Variants in ADAMTS16 observed in about 807,000 individuals in gnomAD.
ADAMTS16 encodes ADAM metallopeptidase with thrombospondin type 1 motif 16.
Under a neutral mutation model 145.8 loss-of-function variants are expected in ADAMTS16, and 94 were observed. The observed-to-expected ratio is 0.64, with a 90% CI of 0.55 to 0.77. The LOEUF is 0.77. Ranked by LOEUF, ADAMTS16 falls within the 30% of genes least tolerant of loss-of-function variation. The pLI, the probability that ADAMTS16 is intolerant of heterozygous loss-of-function variation, is 0.00. For synonymous variants in ADAMTS16, 659 were observed against 604.3 expected (o/e 1.09, Z -1.33); for missense variants, 1,585 against 1,591.5 (o/e 1.00, Z 0.07).
intron 3 of ADAMTS16, among the ~76,000 whole-genome samples, chr5:5,161,615 A>G (rs1734745562): frequency 6.6e-6 from 1 of 152,192 alleles, no homozygotes; most frequent in African/African-American, 2.4e-5. Flanking sequence ...TTCTTTTGTG[A>G]TGAGCTAAAT....
At chr5:5,256,486 A>G (rs1271514138) in intron 17 of ADAMTS16, among the ~76,000 whole-genome samples, 3 of 152,242 alleles carry the variant, frequency 2.0e-5, no homozygotes, top group African/African-American at 7.2e-5. Flanking sequence ...CTAAATTATC[A>G]CATGACTTAC....
intron 2 of ADAMTS16, among the ~76,000 whole-genome samples, chr5:5,143,279 G>A (rs748357471): frequency 6.6e-6 from 1 of 151,848 alleles, no homozygotes; most frequent in Non-Finnish European, 1.5e-5. Flanking sequence ...AACAAATTTA[G>A]AAGAAAAAAA....
intron 17 of ADAMTS16, 36 bp downstream of exon 17, chr5:5,242,227 T>A (rs376128000): frequency 7.5e-6 from 12 of 1,608,956 alleles, no homozygotes; most frequent in Non-Finnish European, 1.0e-5. Context: ...GGAGGCAGCA[T>A]GTCAGCCTTC....
At chr5:5,235,252 C>T (rs925109159) in intron 13 of ADAMTS16, 66 bp downstream of exon 13, 20 of 1,402,250 alleles carry the variant, frequency 1.4e-5, no homozygotes, top group African/African-American at 2.9e-5. Context: ...TAAAGAAGTA[C>T]ATGATTGAGA....
chr5:5,203,036 G>T (rs533907515), intron 9 of ADAMTS16, among the ~76,000 whole-genome samples: 1 of 152,294 alleles, frequency 6.6e-6, no homozygotes, highest in East Asian at 1.9e-4. Context: ...ATAAGTTGAA[G>T]TGTGCTGATG....
At position 5,222,816 on chromosome 5, in the gene ADAMTS16, C is replaced by T. The variant is rs1381311657; in HGVS notation, c.1633C>T (p.Arg545Cys). 5 of 1,614,018 alleles carry T rather than the reference C, an allele frequency of 3.1e-6. No individual in the cohort carries two copies. Among genetic ancestry groups the T allele is most frequent in the Non-Finnish European group, 4.2e-6 (5 of 1,179,960 alleles). Residue 545 changes from arginine (R) to cysteine (C), a missense_variant, in exon 11 of 23, where the codon CGT becomes TGT. Arg to Cys is a radical substitution (Grantham distance 180). Transcript: ENST00000274181. Reference sequence around the variant, plus strand: ...CATCTGTAAAGCCCTGTGGTGCCATCGTATTGGAAGGAAATGTGAGACTAA... The same window carrying T: ...CATCTGTAAAGCCCTGTGGTGCCATTGTATTGGAAGGAAATGTGAGACTAA... ...KDICKALWCH[R>C]IGRKCETKFM... is the part of the protein sequence containing the mutation.
intron 18 of ADAMTS16, among the ~76,000 whole-genome samples, chr5:5,271,847 T>C (rs1214646960): frequency 6.6e-6 from 1 of 152,174 alleles, no homozygotes; most frequent in Non-Finnish European, 1.5e-5. Flanking sequence ...CCGTCTCCAC[T>C]TGATATTTGG....
In ADAMTS16 at chr5:5,140,361, T is replaced by G; in HGVS notation, c.-107T>G. ...AACCCCGGCGCGGCGGCGGAGTCGC[T>G]GTGGGGAATCCTCCCGCGCTCTGCC... On this transcript the variant is annotated 5_prime_UTR_variant, in exon 1 of 23. Coordinates refer to ENST00000274181, the MANE Select transcript of ADAMTS16 (RefSeq NM_139056.4). 2.8e-5 allele frequency: 31 copies of G among 1,120,808 alleles called. No homozygotes were observed. Among genetic ancestry groups the G allele is most frequent in the Non-Finnish European group, 1.9e-5 (16 of 839,596 alleles). 69.4% of individuals were successfully genotyped at this position (1,120,808 alleles called of 1,614,324 possible). A position where few individuals can be genotyped will look rare whatever the true frequency, so the allele number is the denominator to read the frequency against.
chr5:5,238,096 G>T (rs1418705427), intron 14 of ADAMTS16, among the ~76,000 whole-genome samples: 1 of 152,252 alleles, frequency 6.6e-6, no homozygotes, highest in East Asian at 1.9e-4. Context: ...TGAGGGTTAG[G>T]CTGGATGATT....
intron 8 of ADAMTS16, among the ~76,000 whole-genome samples, chr5:5,195,554 T>C (rs944881553): frequency 1.3e-5 from 2 of 152,204 alleles, no homozygotes; most frequent in Non-Finnish European, 2.9e-5. Context: ...GCTCCGTAGC[T>C]CATATATGCA....
chr5:5,319,137 G>C lies in ADAMTS16; in HGVS notation c.3674G>C (p.Ter1225SerextTer85). 6.2e-7 allele frequency: 1 copy of C among 1,605,220 alleles called. No homozygotes were observed. The highest frequency in any genetic ancestry group is 8.5e-7 in the Non-Finnish European group (1 of 1,174,872). ...CCKTCSKSNL[*>S] ...AAGACTTGCTCTAAGTCCAACTTGT[G>C]AGTTGGGACCGCTCTCCGTAGCAGA... is the stretch of plus-strand genomic sequence containing the variant. The change falls in exon 23 of 23, where the codon TGA (stop) becomes TCA (serine). Residue 1225 changes from the stop codon to serine (S), a stop_lost. Transcript: ENST00000274181.
In ADAMTS16 at chr5:5,186,301, G is replaced by GGGGGGTGTGTGTGT. The variant is rs368811446; in HGVS notation, c.963+51_963+52insGGGGTGTGTGTGTG. 398 of 987,414 alleles carry GGGGGGTGTGTGTGT rather than the reference G, an allele frequency of 4.0e-4. No homozygotes were observed. In the African/African-American group the frequency reaches 6.2e-3, roughly 15 times the overall value. The allele number at this position is 987,414 out of a possible 1,614,324, so 61.2% of individuals were successfully genotyped here. ...CCACCTGTGTCATTGCACTTCGTAG[G>GGGGGGTGTGTGTGT]GTGTGTGTGTGTGTGTGTGTGTGTG... is the stretch of plus-strand genomic sequence containing the variant. On this transcript the variant is annotated intron_variant, in intron 5 of 22. Transcript: ENST00000274181.
Position 5,146,276 on chromosome 5 carries a change from T to C in ADAMTS16, c.322T>C (p.Phe108Leu), listed in dbSNP as rs1734293316. The C allele has an allele frequency of 6.2e-7, 1 of 1,614,088 alleles. No individual in the cohort carries two copies. The highest frequency in any genetic ancestry group is 1.3e-5 in the African/African-American group (1 of 74,932). ...TCGGCTGAAAGGCTCCAGGCACGAC[T>C]TCCACATGGATCTGAGGACTTCCAG... ...HLRLKGSRHD[F>L]HMDLRTSSSL... The change falls in exon 3 of 23, where the codon TTC (phenylalanine) becomes CTC (leucine). Residue 108 changes from phenylalanine (F) to leucine (L), a missense_variant. By Grantham distance (22) the Phe-to-Leu change is conservative. Coordinates refer to ENST00000274181, the MANE Select transcript of ADAMTS16 (RefSeq NM_139056.4).
At chr5:5,304,989 C>CACACACACA (rs1561000155) in intron 20 of ADAMTS16, among the ~76,000 whole-genome samples, 1 of 57,442 alleles carries the variant, frequency 1.7e-5, no homozygotes, top group African/African-American at 6.2e-5. Context: ...ACATCCTACA[C>CACACACACA]CACACACACA....
At chr5:5,306,438 T>G in intron 20 of ADAMTS16, 66 bp from the exon 21 acceptor site, 1 of 1,403,592 alleles carries the variant, frequency 7.1e-7, no homozygotes, top group South Asian at 1.3e-5. Context: ...CTCTGATATT[T>G]TAACCCACAG....
At chr5:5,238,085 A>G (rs897289141) in intron 14 of ADAMTS16, among the ~76,000 whole-genome samples, 4 of 152,202 alleles carry the variant, frequency 2.6e-5, no homozygotes, top group Non-Finnish European at 5.9e-5. Context: ...TTTTGAATAC[A>G]TGAGGGTTAG....
chr5:5,301,623 G>A (rs761036768), intron 18 of ADAMTS16, among the ~76,000 whole-genome samples: 8 of 152,170 alleles, frequency 5.3e-5, no homozygotes, highest in South Asian at 2.1e-4. Context: ...AGGCACCTCC[G>A]GAGTTCCTGG....
chr5:5,244,169 C>T (rs1426710722), intron 17 of ADAMTS16, among the ~76,000 whole-genome samples: 1 of 152,154 alleles, frequency 6.6e-6, no homozygotes, highest in Non-Finnish European at 1.5e-5. Flanking sequence ...GCTGTCACTG[C>T]CCATGTGTGT....
chr5:5,231,427 A>G (rs1265636901), intron 11 of ADAMTS16, among the ~76,000 whole-genome samples: 2 of 131,638 alleles, frequency 1.5e-5, no homozygotes, highest in African/African-American at 5.3e-5. Flanking sequence ...CTCCTATGAA[A>G]GTAGCCTTTT....
Sources: allele counts gnomAD v4.1 joint callset (sites outside exome capture counted in the v4.1 genomes callset), GRCh38; gene constraint gnomAD v4.1.1; transcripts MANE v1.5; gene names NCBI Gene and HGNC (gene_info 2026-07-23, HGNC 2026-07-21).